The following DOK5 variants were observed in gnomAD, a reference collection of about 807,000 sequenced individuals.
DOK5 encodes the protein downstream of tyrosine kinase 5.
A neutral mutation model predicts 43.3 loss-of-function variants in DOK5; 27 were observed. The ratio of observed to expected loss-of-function variants is 0.62; its 90% CI spans 0.46 to 0.86. DOK5 has a LOEUF of 0.86. DOK5 is among the 40% of genes least tolerant of loss of function. The pLI, the probability that DOK5 is intolerant of heterozygous loss-of-function variation, is 0.00. For synonymous variants in DOK5, 146 were observed against 140.1 expected (o/e 1.04, Z -0.30); for missense variants, 373 against 392.9 (o/e 0.95, Z 0.43).
intron 1 of DOK5, among the ~76,000 whole-genome samples, chr20:54,480,222 G>A (rs193218765): frequency 6.6e-6 from 1 of 152,278 alleles, no homozygotes; most frequent in East Asian, 1.9e-4. Flanking sequence ...AACCTACTGG[G>A]CTACATTCCC....
At chr20:54,476,289 A>G (rs1240146208) in intron 1 of DOK5, 1 of 879,732 alleles carries the variant, frequency 1.1e-6, no homozygotes, top group Non-Finnish European at 1.4e-6. Context: ...CGAAATAAAT[A>G]TTTCTCGGTA....
At chr20:54,629,758 CAGAG>C (rs1158836025) in intron 6 of DOK5, among the ~76,000 whole-genome samples, 2 of 152,136 alleles carry the variant, frequency 1.3e-5, no homozygotes, top group African/African-American at 4.8e-5. Context: ...CAGTGTAAGA[CAGAG>C]AGAATGACCG....
intron 1 of DOK5, among the ~76,000 whole-genome samples, chr20:54,516,916 C>T (rs191193360): frequency 2.0e-5 from 3 of 152,148 alleles, no homozygotes; most frequent in African/African-American, 7.2e-5. Context: ...TTCTCAGAAG[C>T]AATTTTGTTT....
intron 4 of DOK5, among the ~76,000 whole-genome samples, chr20:54,590,537 A>C (rs1288743273): frequency 6.6e-6 from 1 of 152,134 alleles, no homozygotes; most frequent in Non-Finnish European, 1.5e-5. Flanking sequence ...ATGCTCAATT[A>C]GAATACATTT....
At chr20:54,595,613 T>C (rs1986116101) in intron 5 of DOK5, among the ~76,000 whole-genome samples, 1 of 152,226 alleles carries the variant, frequency 6.6e-6, no homozygotes. Flanking sequence ...ATGATTATAA[T>C]ATTCACAACC....
At chr20:54,532,283 A>C (rs1983802570) in intron 1 of DOK5, among the ~76,000 whole-genome samples, 1 of 152,150 alleles carries the variant, frequency 6.6e-6, no homozygotes, top group Non-Finnish European at 1.5e-5. Flanking sequence ...CTGCATGTAC[A>C]TTTTGGAATT....
intron 2 of DOK5, among the ~76,000 whole-genome samples, chr20:54,574,935 T>C (rs1985406325): frequency 6.6e-6 from 1 of 152,158 alleles, no homozygotes; most frequent in Non-Finnish European, 1.5e-5. Context: ...CTCCAAGTGA[T>C]CAAGCTGAGC....
chr20:54,619,023 TTATATATA>T (rs11468808), intron 6 of DOK5, among the ~76,000 whole-genome samples: 3,470 of 42,714 alleles, frequency 0.081, 94 homozygotes, highest in South Asian at 0.14. Flanking sequence ...TTTCAATAAA[TTATATATA>T]TATATATATA....
intron 2 of DOK5, among the ~76,000 whole-genome samples, chr20:54,564,250 C>T (rs921246162): frequency 1.3e-5 from 2 of 152,022 alleles, no homozygotes; most frequent in African/African-American, 2.4e-5. Context: ...GGTGAAACCC[C>T]GTCTCTACTA....
intron 2 of DOK5, among the ~76,000 whole-genome samples, chr20:54,573,417 G>C (rs1370324295): frequency 1.3e-5 from 2 of 152,158 alleles, no homozygotes. Context: ...GCGAGGCGCG[G>C]TGGCTCATGC....
chr20:54,607,986 A>G (rs551836661), intron 5 of DOK5, among the ~76,000 whole-genome samples: 34 of 152,334 alleles, frequency 2.2e-4, no homozygotes, highest in African/African-American at 8.2e-4. Context: ...GGGTTATGAT[A>G]TAAATTAAGC....
intron 6 of DOK5, among the ~76,000 whole-genome samples, chr20:54,641,869 C>T (rs559653703): frequency 5.9e-5 from 9 of 152,224 alleles, no homozygotes; most frequent in African/African-American, 2.2e-4. Context: ...CTTAAATAGC[C>T]GTCAGCTCTC....
chr20:54,637,239 T>G (rs1978866984), intron 6 of DOK5, among the ~76,000 whole-genome samples: 2 of 152,202 alleles, frequency 1.3e-5, no homozygotes, highest in Non-Finnish European at 2.9e-5. Flanking sequence ...ATTGATGACA[T>G]AAGTCGATTG....
chr20:54,551,449 GATA>G (rs991439162), intron 1 of DOK5, among the ~76,000 whole-genome samples: 19 of 152,088 alleles, frequency 1.2e-4, no homozygotes, highest in Non-Finnish European at 2.1e-4. Context: ...TTATGCCTTT[GATA>G]ACAGGTCTAA....
chr20:54,486,674 G>T (rs971238284), intron 1 of DOK5, among the ~76,000 whole-genome samples: 1 of 151,972 alleles, frequency 6.6e-6, no homozygotes, highest in African/African-American at 2.4e-5. Flanking sequence ...CAGCTTGGCC[G>T]CTTATTGGCT....
chr20:54,555,713 C>T (rs560141923), intron 2 of DOK5, among the ~76,000 whole-genome samples: 3 of 152,270 alleles, frequency 2.0e-5, no homozygotes, highest in South Asian at 4.1e-4. Flanking sequence ...AACACTCCTC[C>T]GAGGCTCTGG....
intron 7 of DOK5, among the ~76,000 whole-genome samples, chr20:54,644,084 G>A (rs1979255905): frequency 1.3e-5 from 2 of 152,190 alleles, no homozygotes. Context: ...AGTCCTCCAG[G>A]TGATTCTCCC....
At chr20:54,609,036 A>G (rs1457143039) in intron 5 of DOK5, among the ~76,000 whole-genome samples, 1 of 152,178 alleles carries the variant, frequency 6.6e-6, no homozygotes, top group Non-Finnish European at 1.5e-5. Flanking sequence ...ATTCAAATGT[A>G]ATGGGTTTTG....
At chr20:54,508,136 G>C (rs1257159043) in intron 1 of DOK5, among the ~76,000 whole-genome samples, 2 of 151,932 alleles carry the variant, frequency 1.3e-5, no homozygotes, top group African/African-American at 4.8e-5. Flanking sequence ...TCAGAGTCAG[G>C]GGGTGTTTTA....
Sources: allele counts gnomAD v4.1 joint callset (sites outside exome capture counted in the v4.1 genomes callset), GRCh38; gene constraint gnomAD v4.1.1; transcripts MANE v1.5; gene names NCBI Gene and HGNC (gene_info 2026-07-23, HGNC 2026-07-21).